The following IFT140 variants were observed in gnomAD, a reference collection of about 807,000 sequenced individuals.
IFT140 encodes the protein intraflagellar transport 140.
In IFT140, 133 loss-of-function variants were observed where a neutral mutation model predicts 164.6. The observed-to-expected ratio is 0.81, with a 90% confidence interval of 0.70 to 0.93. The LOEUF is 0.93. Among genes scored for constraint, IFT140 ranks in the 40% least tolerant of loss-of-function variants. IFT140 has a pLI of 0.00. For missense variants in IFT140, 2,045 were observed against 1,972.3 expected (o/e 1.04, Z -0.70); for synonymous variants, 860 against 817.3 (o/e 1.05, Z -0.89).
intron 30 of IFT140, among the ~76,000 whole-genome samples, chr16:1,516,483 A>G (rs1238073738): frequency 6.6e-6 from 1 of 152,098 alleles, no homozygotes; most frequent in Non-Finnish European, 1.5e-5. Context: ...AAAATAGTCC[A>G]CTAAGGCCAG....
At chr16:1,594,097 T>C (rs1007129451) in intron 4 of IFT140, among the ~76,000 whole-genome samples, 2 of 152,256 alleles carry the variant, frequency 1.3e-5, no homozygotes, top group Admixed American at 6.5e-5. Context: ...TTGCTCACAT[T>C]GTGCCAGCTT....
intron 4 of IFT140, among the ~76,000 whole-genome samples, chr16:1,594,262 CCAGGCTGGAATGGA>C (rs1054089425): frequency 1.2e-4 from 18 of 151,768 alleles, no homozygotes; most frequent in African/African-American, 4.4e-4. Context: ...ACTGTGTCGC[CCAGGCTGGAATGGA>C]GTGGTGCAAT....
chr16:1,555,319 G>A, intron 19 of IFT140: 1 of 416,956 alleles, frequency 2.4e-6, no homozygotes, highest in Non-Finnish European at 4.3e-6. Context: ...CACAGGTTAG[G>A]TGGCGCGAGG....
At chr16:1,610,165 C>T (rs1417201513) in intron 2 of IFT140, 1 of 154,970 alleles carries the variant, frequency 6.5e-6, no homozygotes. Flanking sequence ...GGCCACCCTA[C>T]AAAGCCTCGC....
chr16:1,609,778 G>A (rs1219809314), intron 2 of IFT140, among the ~76,000 whole-genome samples: 1 of 152,184 alleles, frequency 6.6e-6, no homozygotes, highest in Non-Finnish European at 1.5e-5. Context: ...ACACAAGGAG[G>A]AGAGATGGCT....
intron 19 of IFT140, among the ~76,000 whole-genome samples, chr16:1,544,157 G>A (rs8053605): frequency 0.43 from 63,591 of 148,060 alleles, 14,925 homozygotes; most frequent in African/African-American, 0.63. Context: ...AGGTGGGATT[G>A]CAGGCACCTG....
intron 7 of IFT140, 152 bp downstream of exon 7, chr16:1,589,453 A>G: frequency 3.0e-6 from 2 of 663,890 alleles, no homozygotes; most frequent in East Asian, 2.7e-5. Context: ...GGTATGATAA[A>G]TAATGACACC....
In IFT140 at chr16:1,525,218, T is replaced by C; in HGVS notation, c.2864+13A>G. ...TGGAGTGCGGTCCCACCAGCCCTGG[T>C]GGGGACACTCACTTATCCTTCATTT... On this transcript the variant is annotated intron_variant, in intron 22 of 30. Transcript: ENST00000426508. The C allele has an allele frequency of 6.3e-7, 1 of 1,589,418 alleles. No homozygotes were observed. Among genetic ancestry groups the C allele is most frequent in the Non-Finnish European group, 8.6e-7 (1 of 1,159,718 alleles).
intron 19 of IFT140, among the ~76,000 whole-genome samples, chr16:1,530,131 A>ATTTTTTTTTTTTTTTT (rs2030295926): frequency 3.2e-5 from 4 of 126,530 alleles, no homozygotes; most frequent in African/African-American, 1.5e-4. Context: ...CACGACGGGA[A>ATTTTTTTTTTTTTTTT]TCTTTTTTTT....
rs1392612759 is a variant in IFT140, at chr16:1,589,640, C to A, written c.775G>T (p.Val259Leu). Residue 259 changes from valine (V) to leucine (L), a missense_variant, in exon 7 of 31, where the codon GTG becomes TTG. Coordinates refer to ENST00000426508, the MANE Select transcript of IFT140 (RefSeq NM_014714.4). ...TENLRLSLYT[V>L]PPEGKAEEVM... is the part of the protein sequence containing the mutation. ...TCTTCTGCTTTGCCCTCAGGAGGCA[C>A]CGTGTACAGGGACAGCCGGAGGTTC... 6.2e-7 allele frequency: 1 copy of A among 1,614,084 alleles called. No homozygotes were observed. Among genetic ancestry groups the A allele is most frequent in the Admixed American group, 1.7e-5 (1 of 60,006 alleles).
intron 16 of IFT140, 138 bp downstream of exon 16, chr16:1,566,023 G>C: frequency 1.4e-6 from 1 of 737,250 alleles, no homozygotes; most frequent in African/African-American, 1.8e-5. Flanking sequence ...GTGTGCTTCT[G>C]TTTTCCTCTT....
chr16:1,583,389 G>A lies in IFT140; in HGVS notation c.1360-3C>T. 1 of 1,613,974 alleles carries A rather than the reference G, an allele frequency of 6.2e-7. No individual in the cohort carries two copies. Among genetic ancestry groups the A allele is most frequent in the Non-Finnish European group, 8.5e-7 (1 of 1,179,902 alleles). ...CCGTTCCAGACTGCGACAGCATCCT[G>A]AAAAGAACCACGGACATTCGAGGCA... On this transcript the variant is annotated splice_polypyrimidine_tract_variant and splice_region_variant and intron_variant, in intron 11 of 30. Coordinates refer to ENST00000426508, the MANE Select transcript of IFT140 (RefSeq NM_014714.4).
intron 30 of IFT140, among the ~76,000 whole-genome samples, chr16:1,511,841 C>T (rs146613793): frequency 6.1e-4 from 92 of 151,844 alleles, no homozygotes; most frequent in African/African-American, 2.0e-3. Flanking sequence ...GGACACAGGA[C>T]GTAAGGGCAC....
At chr16:1,523,992 C>CA (rs781117204) in intron 24 of IFT140, 36 bp from the exon 25 acceptor site, 2 of 1,599,582 alleles carry the variant, frequency 1.3e-6, no homozygotes, top group East Asian at 4.5e-5. Flanking sequence ...AAGCGGCTCC[C>CA]ACTGGCTTCC....
chr16:1,588,159 T>C lies in IFT140; in HGVS notation c.811-135A>G, dbSNP rs6600154. On this transcript the variant is annotated intron_variant, in intron 7 of 30. Transcript: ENST00000426508. The stretch of plus-strand genomic sequence containing the variant: ...GTGGGGGAAACATGGGGACAAATGA[T>C]AGAAACTCTGTGAGGTGGCTTTGGG... 5,958 of 658,300 alleles carry C rather than the reference T, an allele frequency of 9.1e-3. 275 individuals carry two copies. The African/African-American group carries it at 0.096, about 11-fold the overall frequency. The allele number at this position is 658,300 out of a possible 1,614,324, so 40.8% of individuals were successfully genotyped here. A position where few individuals can be genotyped will look rare whatever the true frequency, so the allele number is the denominator to read the frequency against.
At chr16:1,608,326 T>C (rs1177575047) in intron 2 of IFT140, among the ~76,000 whole-genome samples, 1 of 152,214 alleles carries the variant, frequency 6.6e-6, no homozygotes, top group Non-Finnish European at 1.5e-5. Context: ...AGAACATACT[T>C]GTAGCCGGGT....
chr16:1,556,944 G>A (rs748288351), intron 19 of IFT140, among the ~76,000 whole-genome samples: 1 of 152,052 alleles, frequency 6.6e-6, no homozygotes, highest in Non-Finnish European at 1.5e-5. Flanking sequence ...TGAGTAGCTG[G>A]GACTTCAGGA....
Position 1,564,233 on chromosome 16 carries a change from C to T in IFT140, c.1902-71G>A, listed in dbSNP as rs1452068979. The T allele has an allele frequency of 3.6e-6, 5 of 1,387,266 alleles. No individual in the cohort carries two copies. The highest frequency in any genetic ancestry group is 1.9e-4 in the Middle Eastern group (1 of 5,280). The allele number at this position is 1,387,266 out of a possible 1,614,324, so 85.9% of individuals were successfully genotyped here. A position where few individuals can be genotyped will look rare whatever the true frequency, so the allele number is the denominator to read the frequency against. ...CTGCTACCAGTCTCCCTCCCACACA[C>T]ATTCCCGAAGCCTCCAGGTGCTGTC... On this transcript the variant is annotated intron_variant, in intron 16 of 30. Coordinates refer to ENST00000426508, the MANE Select transcript of IFT140 (RefSeq NM_014714.4). The surrounding 1 kb of genome is among the most constrained non-coding windows in gnomAD (Gnocchi z 5.5).
chr16:1,563,763 T>C (rs1462172611), intron 17 of IFT140, among the ~76,000 whole-genome samples: 1 of 152,108 alleles, frequency 6.6e-6, no homozygotes, highest in Admixed American at 6.5e-5. Context: ...CCAGACCCCA[T>C]GCTAGGAAGA....
Sources: gnomAD v4.1 joint callset for allele counts (sites outside exome capture counted in the v4.1 genomes callset) on GRCh38, gnomAD v4.1.1 for gene constraint, Gnocchi (gnomAD v3.1) non-coding constraint, MANE v1.5 for transcripts, NCBI Gene and HGNC (gene_info 2026-07-23, HGNC 2026-07-21) for gene names.